KIAA1549: variants seen among roughly 807,000 people sequenced by gnomAD.
KIAA1549 encodes the protein KIAA1549.
In KIAA1549, 70 loss-of-function variants were observed where a neutral mutation model predicts 156.4. That is an observed-to-expected ratio of 0.45 (90% CI 0.37 to 0.55). The LOEUF is 0.55. KIAA1549 is among the 20% of genes least tolerant of loss of function. The pLI is 0.00. For missense variants in KIAA1549, 2,428 were observed against 2,540.9 expected (o/e 0.96, Z 0.96); for synonymous variants, 1,103 against 1,066.4 (o/e 1.03, Z -0.67).
chr7:138,860,484 A>C (rs1039347150), intron 16 of KIAA1549, among the ~76,000 whole-genome samples: 1 of 152,254 alleles, frequency 6.6e-6, no homozygotes, highest in Non-Finnish European at 1.5e-5. Context: ...CCTTAGTCCA[A>C]TCATTTCATA....
rs904897191 is a variant in KIAA1549 at position 138,906,961 on chromosome 7, A to G, written c.3418T>C (p.Phe1140Leu). 10 of 1,611,612 alleles carry G rather than the reference A, an allele frequency of 6.2e-6. No individual in the cohort carries two copies. The highest frequency in any genetic ancestry group is 8.5e-6 in the Non-Finnish European group (10 of 1,179,058). The change falls in exon 6 of 20, where the codon TTC becomes CTC. Residue 1140 changes from phenylalanine to leucine, a missense_variant. Around this residue, in one of 5 missense-constraint regions of KIAA1549, gnomAD observed 762 missense variants for 901.6 expected, o/e 0.85. Coordinates refer to ENST00000422774, the MANE Select transcript of KIAA1549 (RefSeq NM_001164665.2). Reference protein sequence around the residue: ...ELLRNLSVVEFSFYLGYPVLQ... With the variant: ...ELLRNLSVVELSFYLGYPVLQ... ...ACTGGGTATCCCAGATAGAAACTGA[A>G]CTCCACCACACTCAAGTTTCTGAGC...
rs759118562 is a variant in KIAA1549, at chr7:138,969,781, C to T, written c.187+11302G>A. Among the ~76,000 whole-genome samples the T allele has an allele frequency of 1.6e-4, 24 of 152,138 alleles. 1 individual carries two copies. Among genetic ancestry groups the T allele is most frequent in the Non-Finnish European group, 2.6e-4 (18 of 67,992 alleles). On this transcript the variant is annotated intron_variant, in intron 1 of 19. Transcript: ENST00000422774. ...CTAATTTTTGTATTTTTAATAGGGA[C>T]GGGGTTTCACTGTGTTGGCCAGGCT...
intron 16 of KIAA1549, among the ~76,000 whole-genome samples, chr7:138,858,127 CT>C (rs113450115): frequency 3.7e-4 from 55 of 146,956 alleles, no homozygotes; most frequent in Non-Finnish European, 3.3e-4. Flanking sequence ...TGTCTGCCTT[CT>C]TTTTTTTTTT....
chr7:138,838,381 G>A (rs1244182271), intron 19 of KIAA1549, among the ~76,000 whole-genome samples: 1 of 152,136 alleles, frequency 6.6e-6, no homozygotes, highest in African/African-American at 2.4e-5. Flanking sequence ...GATGTGAAAG[G>A]TCGGGTGATA....
intron 10 of KIAA1549, among the ~76,000 whole-genome samples, chr7:138,886,021 C>T (rs1009282198): frequency 1.3e-5 from 2 of 152,026 alleles, no homozygotes; most frequent in East Asian, 3.9e-4. Flanking sequence ...AGGAAAGCCC[C>T]CCCCCAAATT....
rs59985563 is a variant in KIAA1549, at chr7:138,918,536, T to A, written c.1090A>T (p.Thr364Ser). ...FSRTHSPLLS[T>S]PLAFASSASP... ...GCAGAGGACGCAAATGCAAGAGGAG[T>A]TGAAAGCAATGGAGAATGTGTCCTG... The change falls in exon 2 of 20, where the codon ACT becomes TCT. Residue 364 changes from threonine to serine, a missense_variant. Thr to Ser is a moderately conservative substitution (Grantham distance 58). Coordinates refer to ENST00000422774, the MANE Select transcript of KIAA1549 (RefSeq NM_001164665.2). This position sits in a 1 kb window ranked among gnomAD's most constrained non-coding sequence, Gnocchi z 4.2. 1.1e-5 allele frequency: 18 copies of A among 1,613,514 alleles called. No individual in the cohort carries two copies. In the African/African-American group the frequency reaches 2.3e-4, roughly 20 times the overall value.
In KIAA1549 at chr7:138,893,404, A is replaced by G. The variant is rs1811597367; in HGVS notation, c.4032+938T>C. On this transcript the variant is annotated intron_variant, in intron 10 of 19. Transcript: ENST00000422774. The stretch of plus-strand genomic sequence containing the variant: ...GTGGGGGGAGGTATTAAAAATCGAG[A>G]GAACTTTGCATTCAGGTAGCTTTGC... 3.3e-5 allele frequency among the ~76,000 whole-genome samples: 5 copies of G among 152,172 alleles called. No individual in the cohort carries two copies. In the South Asian group the frequency reaches 1.0e-3, roughly 32 times the overall value.
chr7:138,912,561 G>C (rs538864043), intron 2 of KIAA1549, 101 bp from the exon 3 acceptor site: 1 of 922,688 alleles, frequency 1.1e-6, no homozygotes, highest in African/African-American at 1.6e-5. Flanking sequence ...TGTGTTAGCA[G>C]TTCCAAAAGT....
In KIAA1549 at chr7:138,947,413, T is replaced by C. The variant is rs1004452172; in HGVS notation, c.188-27975A>G. Among the ~76,000 whole-genome samples, 7 of 152,182 alleles carry C rather than the reference T, an allele frequency of 4.6e-5. No homozygotes were observed. The East Asian group carries it at 1.2e-3, about 25-fold the overall frequency. The stretch of plus-strand genomic sequence containing the variant: ...GCTGAATGTTAGTAACATGTGGAGC[T>C]GGGGTTTGTATGCACCTGACCTCAC... On this transcript the variant is annotated intron_variant, in intron 1 of 19. Coordinates refer to ENST00000422774, the MANE Select transcript of KIAA1549 (RefSeq NM_001164665.2).
intron 10 of KIAA1549, among the ~76,000 whole-genome samples, chr7:138,893,193 CACTT>C (rs1337385086): frequency 6.6e-6 from 1 of 152,166 alleles, no homozygotes; most frequent in Non-Finnish European, 1.5e-5. Flanking sequence ...TTTCTATAAA[CACTT>C]AAGTTGAATG....
At chr7:138,976,651 T>C (rs1322515643) in intron 1 of KIAA1549, among the ~76,000 whole-genome samples, 1 of 152,224 alleles carries the variant, frequency 6.6e-6, no homozygotes, top group East Asian at 1.9e-4. Flanking sequence ...CCATGGTATA[T>C]ACAGACTTCA....
At chr7:138,965,175 A>G (rs1813981917) in intron 1 of KIAA1549, among the ~76,000 whole-genome samples, 2 of 152,156 alleles carry the variant, frequency 1.3e-5, no homozygotes, top group South Asian at 2.1e-4. Flanking sequence ...AGGAGATTTG[A>G]GCAGAGACCG....
In KIAA1549 at chr7:138,919,092, G is replaced by T. The variant is rs758616198; in HGVS notation, c.534C>A (p.Ile178=). The part of the protein sequence containing the change: ...TPRMVSPIQY[I]TVSPPGLPRE... ...TGGGCAGCCCTGGTGGGCTGACTGT[G>T]ATATACTGTATTGGAGAAACCATCC... Residue 178 remains isoleucine, a synonymous_variant, in exon 2 of 20, where the codon ATC becomes ATA. Transcript: ENST00000422774. 1.2e-6 allele frequency: 2 copies of T among 1,614,016 alleles called. No individual in the cohort carries two copies. Among genetic ancestry groups the T allele is most frequent in the African/African-American group, 2.7e-5 (2 of 75,046 alleles).
At chr7:138,953,054 C>T (rs572320126) in intron 1 of KIAA1549, among the ~76,000 whole-genome samples, 1 of 152,188 alleles carries the variant, frequency 6.6e-6, no homozygotes, top group Admixed American at 6.5e-5. Flanking sequence ...TTCTGAATCA[C>T]TCGTCTTAAA....
At chr7:138,900,262 C>T (rs1310763776) in intron 8 of KIAA1549, among the ~76,000 whole-genome samples, 3 of 152,188 alleles carry the variant, frequency 2.0e-5, no homozygotes, top group African/African-American at 7.2e-5. Flanking sequence ...TAACAACACA[C>T]GTCCAAACCC....
intron 1 of KIAA1549, among the ~76,000 whole-genome samples, chr7:138,954,833 G>A (rs992051553): frequency 6.6e-6 from 1 of 152,168 alleles, no homozygotes. Context: ...ATCAGGTGGG[G>A]AGGACCAAAG....
chr7:138,837,866 C>T lies in KIAA1549; in HGVS notation c.*40G>A, dbSNP rs750830261. 3.8e-6 allele frequency: 6 copies of T among 1,596,460 alleles called. No homozygotes were observed. The highest frequency in any genetic ancestry group is 2.2e-5 in the East Asian group (1 of 44,612). On this transcript the variant is annotated 3_prime_UTR_variant, in exon 20 of 20. Transcript: ENST00000422774. ...TGATTTCCTTTTGGTCTTGCTTCCA[C>T]AGGAAGCGGATACTTGGCAAATCTG...
chr7:138,881,689 A>C, intron 10 of KIAA1549, 105 bp from the exon 11 acceptor site: 1 of 951,062 alleles, frequency 1.1e-6, no homozygotes, highest in Non-Finnish European at 1.6e-6. Context: ...CCACAACTCC[A>C]ATCCAACAAG....
intron 19 of KIAA1549, among the ~76,000 whole-genome samples, chr7:138,839,921 G>A (rs1809858248): frequency 6.6e-6 from 1 of 150,420 alleles, no homozygotes; most frequent in African/African-American, 2.4e-5. Context: ...CCAAGTAGCT[G>A]GGACTACCAG....
Sources: gnomAD v4.1 joint callset for allele counts (sites outside exome capture counted in the v4.1 genomes callset) on GRCh38, gnomAD v4.1.1 for gene constraint, gnomAD v4.1.1 regional missense constraint, Gnocchi (gnomAD v3.1) non-coding constraint, MANE v1.5 for transcripts, NCBI Gene and HGNC (gene_info 2026-07-23, HGNC 2026-07-21) for gene names.